Variants in GALNT13 observed in about 807,000 individuals in gnomAD.
GALNT13 encodes UDP-GalNAc:polypeptide N-acetylgalactosaminyltransferase 13.
In GALNT13, 28 loss-of-function variants were observed where a neutral mutation model predicts 64.2. The observed-to-expected ratio is 0.44, with a 90% CI of 0.32 to 0.60. GALNT13 has a LOEUF of 0.60. Among genes scored for constraint, GALNT13 ranks in the 20% least tolerant of loss-of-function variants. The pLI, the probability that GALNT13 is intolerant of heterozygous loss-of-function variation, is 0.05. For missense variants in GALNT13, 577 were observed against 669.8 expected (o/e 0.86, Z 1.53); for synonymous variants, 214 against 224.6 (o/e 0.95, Z 0.42).
At chr2:154,006,083 C>A (rs1382016596) in intron 3 of GALNT13, among the ~76,000 whole-genome samples, 1 of 152,144 alleles carries the variant, frequency 6.6e-6, no homozygotes, top group Non-Finnish European at 1.5e-5. Context: ...AAGAGAACTT[C>A]TAGGGTGCAA....
At chr2:154,418,317 AC>A (rs1490820835) in intron 11 of GALNT13, among the ~76,000 whole-genome samples, 1 of 152,134 alleles carries the variant, frequency 6.6e-6, no homozygotes, top group African/African-American at 2.4e-5. Flanking sequence ...CCATGTTCTA[AC>A]CCCTGGAGCC....
intron 4 of GALNT13, among the ~76,000 whole-genome samples, chr2:154,188,824 T>C (rs1006881489): frequency 2.0e-5 from 3 of 152,160 alleles, no homozygotes; most frequent in African/African-American, 2.4e-5. Flanking sequence ...TAGTATTTCA[T>C]TTTTCTGCAC....
chr2:153,965,806 A>G (rs1693293953), intron 3 of GALNT13, among the ~76,000 whole-genome samples: 1 of 151,394 alleles, frequency 6.6e-6, no homozygotes. Context: ...TAAGCAAAAA[A>G]AAAACCCAAA....
the GALNT13 span, among the ~76,000 whole-genome samples, chr2:153,121,414 C>T: frequency 1.3e-5 from 2 of 152,124 alleles, no homozygotes; most frequent in African/African-American, 4.8e-5. Flanking sequence ...TACAGTAATA[C>T]TTGAATATAT....
chr2:153,922,706 G>A (rs1033886902), intron 2 of GALNT13, among the ~76,000 whole-genome samples: 3 of 151,736 alleles, frequency 2.0e-5, no homozygotes, highest in Non-Finnish European at 2.9e-5. Context: ...ATCATGTTTC[G>A]CACAGCTAAC....
At chr2:153,779,412 A>C in the GALNT13 span, among the ~76,000 whole-genome samples, 1 of 152,122 alleles carries the variant, frequency 6.6e-6, no homozygotes, top group Non-Finnish European at 1.5e-5. Context: ...CTTCTCAGGC[A>C]CCTCATTTTA....
At chr2:153,343,457 A>C in the GALNT13 span, among the ~76,000 whole-genome samples, 1 of 152,194 alleles carries the variant, frequency 6.6e-6, no homozygotes, top group East Asian at 1.9e-4. Flanking sequence ...TGCACATTAG[A>C]TAAATCCTAA....
the GALNT13 span, among the ~76,000 whole-genome samples, chr2:153,169,677 C>T: frequency 6.6e-6 from 1 of 152,168 alleles, no homozygotes; most frequent in Admixed American, 6.5e-5. Flanking sequence ...TATGGCTGAA[C>T]TCCCAAGAGG....
the GALNT13 span, among the ~76,000 whole-genome samples, chr2:153,092,339 A>G: frequency 6.6e-6 from 1 of 152,046 alleles, no homozygotes; most frequent in Non-Finnish European, 1.5e-5. Flanking sequence ...TTGTGGTTTC[A>G]TATACATTTT....
At chr2:153,401,749 C>T in the GALNT13 span, among the ~76,000 whole-genome samples, 1 of 147,812 alleles carries the variant, frequency 6.8e-6, no homozygotes, top group African/African-American at 2.5e-5. Context: ...GGATTGCAAC[C>T]CCTGCCTTTT....
the GALNT13 span, among the ~76,000 whole-genome samples, chr2:153,825,652 GTA>G: frequency 2.1e-5 from 3 of 145,458 alleles, no homozygotes; most frequent in African/African-American, 7.6e-5. Flanking sequence ...GTGTGTGTGT[GTA>G]TCCACTGAAA....
At chr2:153,886,402 C>A (rs2105255596) in intron 1 of GALNT13, among the ~76,000 whole-genome samples, 1 of 151,610 alleles carries the variant, frequency 6.6e-6, no homozygotes, top group East Asian at 2.0e-4. Flanking sequence ...GTGATGTTCC[C>A]CTTCCTGTGT....
the GALNT13 span, among the ~76,000 whole-genome samples, chr2:153,197,030 G>A: frequency 0.073 from 11,172 of 152,240 alleles, 403 homozygotes; most frequent in Non-Finnish European, 0.087. Context: ...GGGCTGAATG[G>A]GCCTGTCCCC....
the GALNT13 span, among the ~76,000 whole-genome samples, chr2:153,779,285 G>C: frequency 6.6e-6 from 1 of 152,074 alleles, no homozygotes; most frequent in Non-Finnish European, 1.5e-5. Flanking sequence ...AGAGATGCTA[G>C]TAAGTAATTA....
chr2:154,037,330 T>C (rs995663142), intron 3 of GALNT13, among the ~76,000 whole-genome samples: 2 of 152,128 alleles, frequency 1.3e-5, no homozygotes, highest in Admixed American at 1.3e-4. Context: ...TGTTATAGCA[T>C]TTCAAAAATT....
the GALNT13 span, among the ~76,000 whole-genome samples, chr2:153,090,598 C>A: frequency 6.6e-6 from 1 of 152,156 alleles, no homozygotes; most frequent in Non-Finnish European, 1.5e-5. Context: ...GTGGTGCTTT[C>A]AAGAGAGTAC....
intron 4 of GALNT13, among the ~76,000 whole-genome samples, chr2:154,143,126 A>G (rs1683361574): frequency 6.6e-6 from 1 of 152,104 alleles, no homozygotes; most frequent in African/African-American, 2.4e-5. Flanking sequence ...TCAAGACGAA[A>G]CTGTTCTAAC....
chr2:153,364,983 T>C, the GALNT13 span, among the ~76,000 whole-genome samples: 1 of 152,136 alleles, frequency 6.6e-6, no homozygotes, highest in East Asian at 1.9e-4. Context: ...GCTATCTGAC[T>C]TCAAACTACA....
At chr2:153,453,843 A>G in the GALNT13 span, among the ~76,000 whole-genome samples, 1 of 152,210 alleles carries the variant, frequency 6.6e-6, no homozygotes, top group Non-Finnish European at 1.5e-5. Flanking sequence ...ACTATTCACA[A>G]TAACAAAGAC....
Sources: gnomAD v4.1 joint callset for allele counts (sites outside exome capture counted in the v4.1 genomes callset) on GRCh38, gnomAD v4.1.1 for gene constraint, MANE v1.5 for transcripts, NCBI Gene and HGNC (gene_info 2026-07-23, HGNC 2026-07-21) for gene names.